FANCD2: variants seen among roughly 807,000 people sequenced by gnomAD.
The protein encoded by FANCD2 is Fanconi anemia group D2 protein.
FANCD2 carries 131 observed loss-of-function variants against 192.3 expected under a neutral mutation model. That is an observed-to-expected ratio of 0.68 (90% CI 0.59 to 0.79). The LOEUF is 0.79. FANCD2 is among the 30% of genes least tolerant of loss of function. The pLI, the probability that FANCD2 is intolerant of heterozygous loss-of-function variation, is 0.00. For missense variants in FANCD2, 1,508 were observed against 1,701.6 expected (o/e 0.89, Z 2.00); for synonymous variants, 524 against 612.5 (o/e 0.86, Z 2.13).
At chr3:10,049,544 T>A (rs200211329) in intron 17 of FANCD2, 39 bp downstream of exon 17, 49 of 1,580,674 alleles carry the variant, frequency 3.1e-5, no homozygotes, top group Non-Finnish European at 3.9e-5. Flanking sequence ...TATTGAATAC[T>A]ATAATTGGTG....
intron 28 of FANCD2, 149 bp from the exon 29 acceptor site, chr3:10,074,381 A>G (rs776611755): frequency 2.9e-6 from 2 of 692,374 alleles, no homozygotes; most frequent in Non-Finnish European, 4.7e-6. Flanking sequence ...GGGAATATTT[A>G]GGGACTTGGG....
chr3:10,031,995 G>A (rs1382126528), intron 2 of FANCD2, among the ~76,000 whole-genome samples: 3 of 152,058 alleles, frequency 2.0e-5, no homozygotes, highest in East Asian at 1.9e-4. Flanking sequence ...ACAGGCGCAC[G>A]CCACCACACC....
intron 2 of FANCD2, among the ~76,000 whole-genome samples, chr3:10,031,860 C>T (rs6442146): frequency 0.22 from 33,787 of 151,588 alleles, 4,909 homozygotes; most frequent in African/African-American, 0.42. Flanking sequence ...CCTTTTTTTT[C>T]CTTTGAGACA....
At chr3:10,041,453 ATT>A in intron 9 of FANCD2, 168 bp from the exon 10 acceptor site, 1 of 573,880 alleles carries the variant, frequency 1.7e-6, no homozygotes, top group Non-Finnish European at 3.1e-6. Context: ...AGCATGTATT[ATT>A]TTTTGCAGTC....
chr3:10,027,314 A>T (rs2086476767), intron 1 of FANCD2, among the ~76,000 whole-genome samples: 1 of 152,214 alleles, frequency 6.6e-6, no homozygotes. Flanking sequence ...GATAGGAGGA[A>T]CACTTTTCAA....
At chr3:10,085,758 A>C (rs1229607126) in intron 32 of FANCD2, 54 bp from the exon 33 acceptor site, 8 of 1,121,918 alleles carry the variant, frequency 7.1e-6, no homozygotes, top group Non-Finnish European at 9.6e-6. Flanking sequence ...CTTAAATACT[A>C]TCCAAGTAGT....
intron 17 of FANCD2, among the ~76,000 whole-genome samples, chr3:10,051,440 T>TGGA (rs2087213735): frequency 5.2e-5 from 1 of 19,094 alleles, no homozygotes; most frequent in Non-Finnish European, 9.3e-5. Flanking sequence ...CTCCCAGTGT[T>TGGA]GGACACTGAA....
chr3:10,058,333 C>G (rs2087472694), intron 18 of FANCD2: 1 of 155,582 alleles, frequency 6.4e-6, no homozygotes, highest in Non-Finnish European at 1.4e-5. Context: ...GTTGCCACTC[C>G]AAAGCTGTAC....
At chr3:10,031,294 G>A (rs1474885083) in intron 2 of FANCD2, among the ~76,000 whole-genome samples, 4 of 152,126 alleles carry the variant, frequency 2.6e-5, no homozygotes, top group South Asian at 2.1e-4. Context: ...ACGAGGTCAG[G>A]AGATTGAGAC....
chr3:10,091,795 A>G (rs1399196526), intron 37 of FANCD2, among the ~76,000 whole-genome samples: 3 of 152,216 alleles, frequency 2.0e-5, no homozygotes, highest in Non-Finnish European at 4.4e-5. Flanking sequence ...CCCAAGACAT[A>G]GAAGAATCAG....
At chr3:10,031,688 T>C (rs1430028218) in intron 2 of FANCD2, among the ~76,000 whole-genome samples, 2 of 152,190 alleles carry the variant, frequency 1.3e-5, no homozygotes, top group Admixed American at 6.5e-5. Flanking sequence ...AAAGATATGA[T>C]ACAAAGAACC....
At chr3:10,090,691 T>C (rs1249080090) in intron 37 of FANCD2, among the ~76,000 whole-genome samples, 2 of 152,042 alleles carry the variant, frequency 1.3e-5, no homozygotes, top group Non-Finnish European at 2.9e-5. Context: ...AACTCCTGAC[T>C]TCATGATCCA....
intron 38 of FANCD2, 130 bp from the exon 39 acceptor site, chr3:10,093,155 T>C: frequency 1.4e-6 from 1 of 718,624 alleles, no homozygotes; most frequent in East Asian, 2.6e-5. Context: ...AATATTAATT[T>C]AAATGTTGAC....
chr3:10,036,353 T>C lies in FANCD2; in HGVS notation c.491+14T>C. The C allele has an allele frequency of 1.9e-6, 3 of 1,597,864 alleles. No homozygotes were observed. Among genetic ancestry groups the C allele is most frequent in the Non-Finnish European group, 2.6e-6 (3 of 1,165,426 alleles). On this transcript the variant is annotated intron_variant, in intron 7 of 43. Coordinates refer to ENST00000675286, the MANE Select transcript of FANCD2 (RefSeq NM_001018115.3). ...TTTTTTTGAAAAGTAAGTGGCGTTA[T>C]TATGGAATGTTCAAAGTACCCTGAT...
chr3:10,084,879 T>C (rs1694085870), intron 32 of FANCD2, among the ~76,000 whole-genome samples: 1 of 152,046 alleles, frequency 6.6e-6, no homozygotes, highest in Non-Finnish European at 1.5e-5. Context: ...AAAGCAGTGG[T>C]TTAAGAAAAC....
chr3:10,062,781 G>A (rs566668306), intron 20 of FANCD2, among the ~76,000 whole-genome samples: 7 of 151,590 alleles, frequency 4.6e-5, no homozygotes, highest in Non-Finnish European at 7.4e-5. Context: ...TGCTTCCCGG[G>A]TTCAAGCAAT....
chr3:10,089,782 A>C (rs1452994085), intron 36 of FANCD2, among the ~76,000 whole-genome samples: 1 of 152,198 alleles, frequency 6.6e-6, no homozygotes, highest in African/African-American at 2.4e-5. Flanking sequence ...TATTTTAGCC[A>C]TCTTGAGAAC....
chr3:10,061,456 G>C (rs1161539777), intron 19 of FANCD2, among the ~76,000 whole-genome samples: 1 of 152,210 alleles, frequency 6.6e-6, no homozygotes, highest in East Asian at 1.9e-4. Flanking sequence ...CATACTGGTT[G>C]CCCAGGGTCA....
At chr3:10,069,571 C>G (rs2087820738) in intron 26 of FANCD2, among the ~76,000 whole-genome samples, 3 of 149,706 alleles carry the variant, frequency 2.0e-5, no homozygotes. Flanking sequence ...GCCTGATTCT[C>G]CTGCCTCAGC....
Sources: allele counts gnomAD v4.1 joint callset (sites outside exome capture counted in the v4.1 genomes callset), GRCh38; gene constraint gnomAD v4.1.1; transcripts MANE v1.5; gene names NCBI Gene and HGNC (gene_info 2026-07-23, HGNC 2026-07-21).